The following SUPT3H variants were observed in gnomAD, a reference collection of about 807,000 sequenced individuals.
SUPT3H encodes the protein transcription initiation protein SPT3 homolog.
SUPT3H carries 44 observed loss-of-function variants against 44.3 expected under a neutral mutation model. The ratio of observed to expected loss-of-function variants is 0.99; its 90% CI spans 0.78 to 1.28. SUPT3H has a LOEUF of 1.28. SUPT3H is among the 50% of genes most tolerant of loss of function. The probability of loss-of-function intolerance (pLI) is 0.00; values close to 1 mark genes in which losing one functional copy is unlikely to be tolerated. For missense variants in SUPT3H, 380 were observed against 387.1 expected (o/e 0.98, Z 0.15); for synonymous variants, 124 against 125.6 (o/e 0.99, Z 0.09).
At chr6:45,306,482 G>A (rs77870101) in intron 2 of SUPT3H, among the ~76,000 whole-genome samples, 2,658 of 152,198 alleles carry the variant, frequency 0.017, 48 homozygotes, top group South Asian at 0.084. Flanking sequence ...TGCCAGAACT[G>A]TTGTACCCTA....
intron 2 of SUPT3H, among the ~76,000 whole-genome samples, chr6:45,329,435 A>T (rs1037854336): frequency 6.6e-6 from 1 of 152,010 alleles, no homozygotes; most frequent in Admixed American, 6.6e-5. Flanking sequence ...AGATCTTTAT[A>T]GTTGCCCAGG....
chr6:45,090,668 T>A (rs944665964), intron 3 of SUPT3H, among the ~76,000 whole-genome samples: 57 of 151,982 alleles, frequency 3.8e-4, no homozygotes, highest in Admixed American at 1.6e-3. Flanking sequence ...CGTATTCTTA[T>A]CAGTGAAATC....
chr6:45,133,160 G>A lies in SUPT3H; in HGVS notation c.102-27154C>T, dbSNP rs1803744221. On this transcript the variant is annotated intron_variant, in intron 2 of 10. Coordinates refer to ENST00000371459, the MANE Select transcript of SUPT3H (RefSeq NM_003599.4). ...TTAGACTGCTTAGCACACAAATTGA[G>A]AAGGCAGTATCAAAGTTCTAAACTT... Among the ~76,000 whole-genome samples, 2 of 152,148 alleles carry A rather than the reference G, an allele frequency of 1.3e-5. 1 individual carries two copies. The highest frequency in any genetic ancestry group is 4.1e-4 in the South Asian group (2 of 4,830).
chr6:44,882,653 C>G (rs6903576), intron 10 of SUPT3H, among the ~76,000 whole-genome samples: 5 of 151,890 alleles, frequency 3.3e-5, no homozygotes, highest in Non-Finnish European at 7.4e-5. Context: ...ACTGGCAAAC[C>G]GGATCCAGCA....
chr6:44,869,153 C>T (rs1464436705), intron 10 of SUPT3H, among the ~76,000 whole-genome samples: 1 of 152,080 alleles, frequency 6.6e-6, no homozygotes, highest in Non-Finnish European at 1.5e-5. Flanking sequence ...CTTGTCCAAA[C>T]ATCAAAAGTA....
At chr6:45,020,445 AT>A (rs1562276842) in intron 4 of SUPT3H, 100 bp downstream of exon 4, 2 of 817,164 alleles carry the variant, frequency 2.4e-6, no homozygotes, top group African/African-American at 3.5e-5. Context: ...AATAGTTATT[AT>A]TTTAATTTGA....
chr6:45,224,959 A>G (rs751667731), intron 2 of SUPT3H, among the ~76,000 whole-genome samples: 6 of 152,088 alleles, frequency 3.9e-5, no homozygotes, highest in Non-Finnish European at 8.8e-5. Context: ...AAAAGGTCCC[A>G]TACATTTAAG....
At chr6:45,181,990 G>T (rs1006114296) in intron 2 of SUPT3H, among the ~76,000 whole-genome samples, 1 of 152,044 alleles carries the variant, frequency 6.6e-6, no homozygotes, top group African/African-American at 2.4e-5. Context: ...TATTCTCAAA[G>T]GCACAGTGGT....
intron 2 of SUPT3H, among the ~76,000 whole-genome samples, chr6:45,255,608 A>G (rs1341275899): frequency 6.6e-6 from 1 of 151,726 alleles, no homozygotes; most frequent in African/African-American, 2.4e-5. Flanking sequence ...ATTTTTGTAG[A>G]AATGGGGTCT....
intron 3 of SUPT3H, among the ~76,000 whole-genome samples, chr6:45,079,815 C>A (rs1294711763): frequency 6.6e-6 from 1 of 152,164 alleles, no homozygotes; most frequent in Non-Finnish European, 1.5e-5. Context: ...GGATTAAAGA[C>A]TTAAATCTAA....
At chr6:45,363,062 C>A (rs1463600133) in intron 2 of SUPT3H, among the ~76,000 whole-genome samples, 3 of 151,808 alleles carry the variant, frequency 2.0e-5, no homozygotes, top group African/African-American at 7.3e-5. Context: ...AGGCAACTGT[C>A]TTTTACAGAT....
chr6:44,829,005 C>T lies in SUPT3H; in HGVS notation c.*811G>A, dbSNP rs1371217463. 1 of 152,556 alleles carries T rather than the reference C, an allele frequency of 6.6e-6. No homozygotes were observed. 9.5% of individuals were successfully genotyped at this position (152,556 alleles called of 1,614,324 possible). ...GCAAGAAATTACCCAGCCCACATTT[C>T]CAGTCTAGGTGTGGTAGTGCTTTGA... On this transcript the variant is annotated 3_prime_UTR_variant, in exon 11 of 11. Coordinates refer to ENST00000371459, the MANE Select transcript of SUPT3H (RefSeq NM_003599.4).
chr6:45,119,349 C>A (rs1043074473), intron 2 of SUPT3H, among the ~76,000 whole-genome samples: 3 of 152,012 alleles, frequency 2.0e-5, no homozygotes, highest in Non-Finnish European at 1.5e-5. Context: ...ATTCTGAGCA[C>A]CTAAGAAGAT....
At chr6:45,047,764 C>A (rs1209328873) in intron 3 of SUPT3H, among the ~76,000 whole-genome samples, 2 of 152,078 alleles carry the variant, frequency 1.3e-5, no homozygotes, top group Non-Finnish European at 2.9e-5. Context: ...TCATATCTGT[C>A]ATCTTTTTGA....
rs73735351 is a variant in SUPT3H, at chr6:45,300,600, G to A, written c.101+64601C>T. On this transcript the variant is annotated intron_variant, in intron 2 of 10. Coordinates refer to ENST00000371459, the MANE Select transcript of SUPT3H (RefSeq NM_003599.4). ...ACCAGTGGCTGCTTAGGGGCTGGAA[G>A]ATAGGAAGCGACGGCTTAATGGGTT... is the stretch of plus-strand genomic sequence containing the variant. Among the ~76,000 whole-genome samples the A allele has an allele frequency of 5.8e-4, 88 of 152,296 alleles. No individual in the cohort carries two copies. In the East Asian group the frequency reaches 0.016, roughly 28 times the overall value.
At chr6:44,984,484 A>G (rs1300186041) in intron 6 of SUPT3H, among the ~76,000 whole-genome samples, 1 of 152,166 alleles carries the variant, frequency 6.6e-6, no homozygotes. Context: ...ACACATCCTT[A>G]TAAAATGAGA....
intron 2 of SUPT3H, among the ~76,000 whole-genome samples, chr6:45,276,242 T>C (rs906067791): frequency 6.6e-6 from 1 of 152,084 alleles, no homozygotes; most frequent in African/African-American, 2.4e-5. Context: ...ATAAATAGAA[T>C]AATATAGCAC....
At chr6:45,070,391 T>C (rs1278601476) in intron 3 of SUPT3H, among the ~76,000 whole-genome samples, 1 of 152,146 alleles carries the variant, frequency 6.6e-6, no homozygotes, top group African/African-American at 2.4e-5. Context: ...TTATTTGGTA[T>C]TCAGAAGTAT....
intron 2 of SUPT3H, among the ~76,000 whole-genome samples, chr6:45,121,019 C>A (rs1562498572): frequency 1.3e-5 from 2 of 152,038 alleles, no homozygotes; most frequent in African/African-American, 4.8e-5. Context: ...AAAATTGATA[C>A]TTTGGAACAG....
Sources: allele counts gnomAD v4.1 joint callset (sites outside exome capture counted in the v4.1 genomes callset), GRCh38; gene constraint gnomAD v4.1.1; transcripts MANE v1.5; gene names NCBI Gene and HGNC (gene_info 2026-07-23, HGNC 2026-07-21).